The following IKZF3 variants were observed in gnomAD, a reference collection of about 807,000 sequenced individuals.
IKZF3 encodes the protein zinc finger protein Aiolos.
Under a neutral mutation model 49.0 loss-of-function variants are expected in IKZF3, and 10 were observed. The ratio of observed to expected loss-of-function variants is 0.20; its 90% CI spans 0.13 to 0.35. IKZF3 has a LOEUF of 0.35. Ranked by LOEUF, IKZF3 falls within the 10% of genes least tolerant of loss-of-function variation. The pLI is 1.00. For missense variants in IKZF3, 498 were observed against 664.8 expected, an observed-to-expected ratio of 0.75 and a Z score of 2.76; for synonymous variants, 209 against 228.2, an observed-to-expected ratio of 0.92 and a Z score of 0.76.
At chr17:39,864,087 A>AC (rs747355907) in intron 1 of IKZF3, 33 bp downstream of exon 1, 1 of 1,612,886 alleles carries the variant, frequency 6.2e-7, no homozygotes, top group South Asian at 1.1e-5. Context: ...TTTCTCAAAG[A>AC]CCCCGGAGAA....
At chr17:39,786,475 G>A (rs1476659884) in intron 6 of IKZF3, among the ~76,000 whole-genome samples, 1 of 152,182 alleles carries the variant, frequency 6.6e-6, no homozygotes, top group Non-Finnish European at 1.5e-5. Flanking sequence ...TGCAAGTAGA[G>A]ATGCCTACAT....
rs2061058507 is a variant in IKZF3 at position 39,792,784 on chromosome 17, C to T, written c.313G>A (p.Val105Ile). The change falls in exon 4 of 8, where the codon GTT becomes ATT. Residue 105 changes from valine to isoleucine, a missense_variant. Coordinates refer to ENST00000346872, the MANE Select transcript of IKZF3 (RefSeq NM_012481.5). Reference sequence around the variant, plus strand: ...GGCCTGCTACTATCGAATGAGACAACATGTCTCTCCAACTTAATGTTTTCA... The same window carrying T: ...GGCCTGCTACTATCGAATGAGACAATATGTCTCTCCAACTTAATGTTTTCA... Reference protein sequence around the residue: ...EYENIKLERHVVSFDSSRPTS... With the variant: ...EYENIKLERHIVSFDSSRPTS... 2 of 1,614,030 alleles carry T rather than the reference C, an allele frequency of 1.2e-6. No homozygotes were observed. Among genetic ancestry groups the T allele is most frequent in the African/African-American group, 1.3e-5 (1 of 74,944 alleles).
At chr17:39,812,871 G>A (rs953911493) in intron 3 of IKZF3, among the ~76,000 whole-genome samples, 12 of 152,096 alleles carry the variant, frequency 7.9e-5, no homozygotes, top group African/African-American at 2.9e-4. Flanking sequence ...GGCCGAGGTG[G>A]GCAAATCACG....
intron 1 of IKZF3, 118 bp downstream of exon 1, chr17:39,864,002 C>T: frequency 7.3e-7 from 1 of 1,371,008 alleles, no homozygotes; most frequent in Non-Finnish European, 1.0e-6. Flanking sequence ...CTCATATTTA[C>T]TTTTGACAAA....
At chr17:39,848,487 T>C (rs947118903) in intron 1 of IKZF3, among the ~76,000 whole-genome samples, 4 of 152,234 alleles carry the variant, frequency 2.6e-5, no homozygotes, top group African/African-American at 4.8e-5. Context: ...GGTAAAATGA[T>C]TGAATCTAAC....
chr17:39,856,673 G>C (rs1200475431), intron 1 of IKZF3, among the ~76,000 whole-genome samples: 1 of 151,938 alleles, frequency 6.6e-6, no homozygotes, highest in African/African-American at 2.4e-5. Flanking sequence ...GGGCGTGGTA[G>C]CGGGAGCCTG....
intron 1 of IKZF3, among the ~76,000 whole-genome samples, chr17:39,850,126 T>C (rs1479013720): frequency 7.0e-6 from 1 of 143,360 alleles, no homozygotes; most frequent in Non-Finnish European, 1.5e-5. Flanking sequence ...ACTATATGTA[T>C]ATATACTATA....
At chr17:39,837,573 CCA>C (rs918812760) in intron 1 of IKZF3, among the ~76,000 whole-genome samples, 5 of 151,796 alleles carry the variant, frequency 3.3e-5, no homozygotes, top group African/African-American at 4.8e-5. Context: ...CACACCTGGC[CCA>C]GTTTTTTTTT....
intron 3 of IKZF3, among the ~76,000 whole-genome samples, chr17:39,817,950 C>T (rs2061714492): frequency 6.6e-6 from 1 of 152,154 alleles, no homozygotes; most frequent in Non-Finnish European, 1.5e-5. Flanking sequence ...TGATGGGATG[C>T]ATTCTAAGCA....
rs567139793 is a variant in IKZF3 at position 39,765,433 on chromosome 17, G to T, written c.*357C>A. On this transcript the variant is annotated 3_prime_UTR_variant, in exon 8 of 8. Transcript: ENST00000346872. ...GTGGATTTGCATGTATGACTGAAAG[G>T]CTTTTCCACGTGTGGTTGATATATC... 6 of 179,522 alleles carry T rather than the reference G, an allele frequency of 3.3e-5. No homozygotes were observed. The South Asian group carries it at 8.6e-4, about 26-fold the overall frequency. 11.1% of individuals were successfully genotyped at this position (179,522 alleles called of 1,614,324 possible).
At chr17:39,777,869 A>T in intron 6 of IKZF3, 102 bp from the exon 7 acceptor site, 1 of 1,528,746 alleles carries the variant, frequency 6.5e-7, no homozygotes, top group Non-Finnish European at 8.7e-7. Flanking sequence ...TTGGATGCAC[A>T]CTCTATTGTT....
intron 1 of IKZF3, among the ~76,000 whole-genome samples, chr17:39,838,504 T>G (rs2062369823): frequency 6.6e-6 from 1 of 152,228 alleles, no homozygotes; most frequent in Non-Finnish European, 1.5e-5. Context: ...TATTTGTTTA[T>G]TAAAAGCATA....
At chr17:39,777,794 A>C (rs201177440) in intron 6 of IKZF3, 27 bp from the exon 7 acceptor site, 5 of 1,603,112 alleles carry the variant, frequency 3.1e-6, no homozygotes, top group Non-Finnish European at 3.4e-6. Flanking sequence ...TAAAAAGAAG[A>C]GAGAAAAGAA....
intron 1 of IKZF3, among the ~76,000 whole-genome samples, chr17:39,846,468 G>C (rs2062634237): frequency 7.9e-6 from 1 of 125,802 alleles, no homozygotes; most frequent in Admixed American, 7.9e-5. Flanking sequence ...TCACCGGTTA[G>C]TTTTTTTAAG....
At chr17:39,791,323 A>T in intron 5 of IKZF3, 93 bp downstream of exon 5, 1 of 1,339,184 alleles carries the variant, frequency 7.5e-7, no homozygotes, top group Admixed American at 1.8e-5. Context: ...AGAATGACAG[A>T]TTGAAACCTT....
chr17:39,774,984 C>A (rs1217286155), intron 7 of IKZF3, among the ~76,000 whole-genome samples: 2 of 152,142 alleles, frequency 1.3e-5, no homozygotes, highest in Non-Finnish European at 2.9e-5. Flanking sequence ...CCTTTTATTT[C>A]TTTTCTAATT....
intron 3 of IKZF3, among the ~76,000 whole-genome samples, chr17:39,803,556 C>T (rs2061368835): frequency 1.3e-5 from 2 of 151,214 alleles, no homozygotes; most frequent in African/African-American, 4.9e-5. Context: ...TCTTGTTGCC[C>T]AGGCTGGAGT....
intron 1 of IKZF3, 56 bp from the exon 2 acceptor site, chr17:39,832,207 G>A: frequency 1.5e-6 from 2 of 1,325,376 alleles, no homozygotes; most frequent in Non-Finnish European, 2.2e-6. Context: ...CTACAGGTTT[G>A]AGCATTCCAA....
At chr17:39,823,557 T>C (rs1028408166) in intron 3 of IKZF3, among the ~76,000 whole-genome samples, 8 of 152,132 alleles carry the variant, frequency 5.3e-5, no homozygotes, top group African/African-American at 1.9e-4. Flanking sequence ...CAGCGGCCCC[T>C]CCCATCACAG....
Sources: gnomAD v4.1 joint callset for allele counts (sites outside exome capture counted in the v4.1 genomes callset) on GRCh38, gnomAD v4.1.1 for gene constraint, MANE v1.5 for transcripts, NCBI Gene and HGNC (gene_info 2026-07-23, HGNC 2026-07-21) for gene names.